SLC1A2: variants seen among roughly 807,000 people sequenced by gnomAD.
SLC1A2 encodes excitatory amino acid transporter 2.
Under a neutral mutation model 48.8 loss-of-function variants are expected in SLC1A2, and 15 were observed. The ratio of observed to expected loss-of-function variants is 0.31; its 90% confidence interval spans 0.21 to 0.47. SLC1A2 has a LOEUF of 0.47. Among genes scored for constraint, SLC1A2 ranks in the 20% least tolerant of loss-of-function variants. The probability of loss-of-function intolerance (pLI) is 0.99; values close to 1 mark genes in which losing one functional copy is unlikely to be tolerated. For missense variants in SLC1A2, 502 were observed against 730.5 expected (o/e 0.69, Z 3.61); for synonymous variants, 279 against 272.6 (o/e 1.02, Z -0.23).
rs182779471 is a variant in SLC1A2 at position 35,275,644 on chromosome 11, G to A, written c.1421+5223C>T. Among the ~76,000 whole-genome samples the A allele has an allele frequency of 3.0e-3, 457 of 152,356 alleles. 2 individuals carry two copies. Among genetic ancestry groups the A allele is most frequent in the Non-Finnish European group, 5.5e-3 (375 of 68,026 alleles). ...TTGAAAACCATCCAGGGCTTAGAGG[G>A]CAGTAATGAGGCTGGCTGGTCTCCA... On this transcript the variant is annotated intron_variant, in intron 9 of 10. Transcript: ENST00000278379.
chr11:35,351,377 T>C (rs1344185794), intron 1 of SLC1A2, among the ~76,000 whole-genome samples: 1 of 152,196 alleles, frequency 6.6e-6, no homozygotes, highest in African/African-American at 2.4e-5. Context: ...CAGTTTCTCC[T>C]GGGACCATGG....
chr11:35,295,712 A>G (rs1386205791), intron 6 of SLC1A2, among the ~76,000 whole-genome samples: 3 of 152,228 alleles, frequency 2.0e-5, no homozygotes, highest in African/African-American at 7.2e-5. Context: ...AGATTCATCC[A>G]GGACTGGCCT....
intron 5 of SLC1A2, among the ~76,000 whole-genome samples, chr11:35,304,113 C>T (rs1358459087): frequency 2.0e-5 from 3 of 152,026 alleles, no homozygotes; most frequent in Middle Eastern, 3.2e-3. Context: ...CTCACTGGAA[C>T]GGGGGTGTTG....
intron 1 of SLC1A2, among the ~76,000 whole-genome samples, chr11:35,329,185 T>C (rs754570030): frequency 6.6e-6 from 1 of 152,198 alleles, no homozygotes; most frequent in Non-Finnish European, 1.5e-5. Context: ...CTATATGACA[T>C]TCTGGAAAAG....
intron 1 of SLC1A2, chr11:35,390,948 G>A (rs971367844): frequency 6.6e-6 from 1 of 152,156 alleles, no homozygotes; most frequent in Admixed American, 6.5e-5. Flanking sequence ...TTACAGGTGT[G>A]AGCCACCACG....
intron 1 of SLC1A2, among the ~76,000 whole-genome samples, chr11:35,337,414 C>A (rs919506589): frequency 6.6e-6 from 1 of 152,182 alleles, no homozygotes; most frequent in Non-Finnish European, 1.5e-5. Flanking sequence ...AAACAGACAT[C>A]TGAGTCATCT....
At chr11:35,288,528 A>G (rs41525047) in intron 7 of SLC1A2, among the ~76,000 whole-genome samples, 27,247 of 152,170 alleles carry the variant, frequency 0.18, 2,824 homozygotes, top group Admixed American at 0.26. Context: ...CTGGTATGAG[A>G]TGACTGCTCA....
intron 1 of SLC1A2, among the ~76,000 whole-genome samples, chr11:35,321,804 G>A (rs960458841): frequency 6.6e-6 from 1 of 152,020 alleles, no homozygotes; most frequent in Non-Finnish European, 1.5e-5. Context: ...ACGTCCAGTG[G>A]GCACGCTTAC....
At chr11:35,308,477 T>C (rs1591454266) in intron 4 of SLC1A2, among the ~76,000 whole-genome samples, 1 of 152,316 alleles carries the variant, frequency 6.6e-6, no homozygotes, top group East Asian at 1.9e-4. Context: ...GGATAATTTA[T>C]GATAAACAGA....
At chr11:35,398,519 G>A (rs1855042526) in intron 1 of SLC1A2, among the ~76,000 whole-genome samples, 1 of 152,304 alleles carries the variant, frequency 6.6e-6, no homozygotes, top group East Asian at 1.9e-4. Flanking sequence ...TGAGGGTGGA[G>A]GGTGGGAGGA....
chr11:35,350,135 G>T (rs1853191604), intron 1 of SLC1A2, among the ~76,000 whole-genome samples: 1 of 152,208 alleles, frequency 6.6e-6, no homozygotes, highest in Admixed American at 6.5e-5. Context: ...GCTAAGATGT[G>T]CCAGGAAATG....
chr11:35,404,948 A>T (rs1855240222), intron 1 of SLC1A2, among the ~76,000 whole-genome samples: 1 of 151,962 alleles, frequency 6.6e-6, no homozygotes, highest in Non-Finnish European at 1.5e-5. Context: ...CTCTGAATCT[A>T]GGAGGATTCT....
At chr11:35,322,668 C>T (rs1021519082) in intron 1 of SLC1A2, 62 of 1,526,856 alleles carry the variant, frequency 4.1e-5, no homozygotes, top group Non-Finnish European at 5.0e-5. Flanking sequence ...TACTGGAAGA[C>T]ACTAGGTCAC....
At chr11:35,278,246 A>T (rs1591417706) in intron 9 of SLC1A2, among the ~76,000 whole-genome samples, 1 of 145,236 alleles carries the variant, frequency 6.9e-6, no homozygotes, top group Admixed American at 7.0e-5. Flanking sequence ...CTGTTCAGGG[A>T]GCCACTTCTT....
At chr11:35,378,956 C>G (rs1275768155) in intron 1 of SLC1A2, among the ~76,000 whole-genome samples, 1 of 152,158 alleles carries the variant, frequency 6.6e-6, no homozygotes, top group African/African-American at 2.4e-5. Flanking sequence ...TGGCCAGGCG[C>G]AGTGACTCAT....
At chr11:35,339,974 CA>C (rs1852778968) in intron 1 of SLC1A2, among the ~76,000 whole-genome samples, 1 of 152,184 alleles carries the variant, frequency 6.6e-6, no homozygotes, top group Non-Finnish European at 1.5e-5. Flanking sequence ...TATTTAACGA[CA>C]AAGCCCTCTT....
intron 3 of SLC1A2, among the ~76,000 whole-genome samples, chr11:35,313,446 C>T (rs918416480): frequency 2.0e-5 from 3 of 152,204 alleles, no homozygotes; most frequent in African/African-American, 7.2e-5. Flanking sequence ...ACTCCAGCCC[C>T]ACTGGGTTTT....
chr11:35,292,598 A>T, intron 6 of SLC1A2, 78 bp from the exon 7 acceptor site: 1 of 755,846 alleles, frequency 1.3e-6, no homozygotes, highest in Admixed American at 2.7e-5. Context: ...TGTACCGCAC[A>T]CTGAGGAAAA....
intron 9 of SLC1A2, among the ~76,000 whole-genome samples, chr11:35,274,739 C>T (rs1359888307): frequency 6.6e-6 from 1 of 152,184 alleles, no homozygotes; most frequent in African/African-American, 2.4e-5. Flanking sequence ...CCTGTTTTCT[C>T]AACTGTAAAA....
Sources: allele counts gnomAD v4.1 joint callset (sites outside exome capture counted in the v4.1 genomes callset), GRCh38; gene constraint gnomAD v4.1.1; transcripts MANE v1.5; gene names NCBI Gene and HGNC (gene_info 2026-07-23, HGNC 2026-07-21).